Variants in HS3ST5 observed in about 807,000 individuals in gnomAD.
The protein encoded by HS3ST5 is heparan sulfate-glucosamine 3-sulfotransferase 5, also known as heparan sulfate glucosamine 3-O-sulfotransferase 5.
In HS3ST5, 10 loss-of-function variants were observed where a neutral mutation model predicts 25.4. The ratio of observed to expected loss-of-function variants is 0.39; its 90% confidence interval spans 0.24 to 0.67. HS3ST5 has a LOEUF of 0.67. Ranked by LOEUF, HS3ST5 falls within the 30% of genes least tolerant of loss-of-function variation. HS3ST5 has a pLI of 0.44. For synonymous variants in HS3ST5, 170 were observed against 162.4 expected (o/e 1.05, Z -0.36); for missense variants, 324 against 420.7 (o/e 0.77, Z 2.01).
chr6:114,123,406 A>G (rs573784693), intron 3 of HS3ST5, among the ~76,000 whole-genome samples: 3 of 152,332 alleles, frequency 2.0e-5, no homozygotes, highest in African/African-American at 7.2e-5. Flanking sequence ...GAATGTCCAA[A>G]AGCAATTAAG....
chr6:114,299,662 G>A (rs555815417), intron 1 of HS3ST5, among the ~76,000 whole-genome samples: 2 of 152,170 alleles, frequency 1.3e-5, no homozygotes, highest in Non-Finnish European at 2.9e-5. Context: ...GTGACTATTG[G>A]GGGCAGGTTC....
intron 2 of HS3ST5, among the ~76,000 whole-genome samples, chr6:114,190,458 T>C (rs1392899505): frequency 6.6e-6 from 1 of 152,174 alleles, no homozygotes; most frequent in South Asian, 2.1e-4. Flanking sequence ...GTGCATGCAT[T>C]TTGGCTTTAC....
At chr6:114,189,055 G>T (rs1780364409) in intron 2 of HS3ST5, among the ~76,000 whole-genome samples, 1 of 151,770 alleles carries the variant, frequency 6.6e-6, no homozygotes, top group Admixed American at 6.6e-5. Context: ...CTCCTGCTTG[G>T]TGAAGTACAT....
At chr6:114,230,392 CAA>C (rs1196237343) in intron 1 of HS3ST5, 2 of 152,074 alleles carry the variant, frequency 1.3e-5, no homozygotes, top group African/African-American at 4.8e-5. Flanking sequence ...TCTTATCTCA[CAA>C]AGTCTTGTGG....
chr6:114,161,519 TTTTATATATATA>T (rs1470887924), intron 3 of HS3ST5, among the ~76,000 whole-genome samples: 3 of 46,976 alleles, frequency 6.4e-5, no homozygotes, highest in African/African-American at 2.3e-4. Context: ...CTTCCTGAAG[TTTTATATATATA>T]TATATATATA....
chr6:114,164,700 T>G (rs898305819), intron 3 of HS3ST5, among the ~76,000 whole-genome samples: 11 of 152,172 alleles, frequency 7.2e-5, no homozygotes, highest in Non-Finnish European at 7.4e-5. Context: ...AATAAACGTA[T>G]ATAAGTCTAA....
In HS3ST5 at chr6:114,332,983, G is replaced by A. The variant is rs558440592; in HGVS notation, c.-339+9212C>T. ...CACTGGAATAGTAAGGGCTTTGTAG[G>A]TTGAGCTAGTTTGAACTCTACCCTG... is the stretch of plus-strand genomic sequence containing the variant. On this transcript the variant is annotated intron_variant, in intron 1 of 4. Coordinates refer to ENST00000312719, the MANE Select transcript of HS3ST5 (RefSeq NM_153612.4). Among the ~76,000 whole-genome samples the A allele has an allele frequency of 3.0e-4, 45 of 152,236 alleles. No homozygotes were observed. The South Asian group carries it at 9.1e-3, about 31-fold the overall frequency.
At chr6:114,273,742 T>C (rs1773729096) in intron 1 of HS3ST5, among the ~76,000 whole-genome samples, 1 of 151,972 alleles carries the variant, frequency 6.6e-6, no homozygotes, top group Non-Finnish European at 1.5e-5. Flanking sequence ...CTGACCTCTG[T>C]ATGTGCAAGA....
chr6:114,330,125 T>C (rs559552937), intron 1 of HS3ST5, among the ~76,000 whole-genome samples: 1 of 151,816 alleles, frequency 6.6e-6, no homozygotes, highest in East Asian at 1.9e-4. Flanking sequence ...TTATTCCAGA[T>C]TTTTTTTTAA....
intron 2 of HS3ST5, among the ~76,000 whole-genome samples, chr6:114,215,734 C>A (rs997274659): frequency 1.3e-5 from 2 of 152,206 alleles, no homozygotes; most frequent in Non-Finnish European, 2.9e-5. Context: ...TATGCCACAG[C>A]TGTGTTTAGT....
intron 2 of HS3ST5, among the ~76,000 whole-genome samples, chr6:114,185,877 T>G (rs1780195406): frequency 6.6e-6 from 1 of 152,078 alleles, no homozygotes; most frequent in South Asian, 2.1e-4. Context: ...CAGCTGGGGC[T>G]AAAGGCACAC....
chr6:114,083,404 G>C (rs1210280371), intron 3 of HS3ST5, among the ~76,000 whole-genome samples: 1 of 152,088 alleles, frequency 6.6e-6, no homozygotes, highest in East Asian at 1.9e-4. Flanking sequence ...ACAAGAGGGA[G>C]GTAAGAAGAC....
At chr6:114,295,447 T>C (rs956938835) in intron 1 of HS3ST5, among the ~76,000 whole-genome samples, 1 of 152,182 alleles carries the variant, frequency 6.6e-6, no homozygotes, top group African/African-American at 2.4e-5. Flanking sequence ...GTATTGACCA[T>C]GGTAATCTTT....
intron 3 of HS3ST5, among the ~76,000 whole-genome samples, chr6:114,063,626 A>G (rs1773270703): frequency 6.6e-6 from 1 of 152,116 alleles, no homozygotes; most frequent in Non-Finnish European, 1.5e-5. Context: ...ATAAGTTATC[A>G]TTTTGAGCAT....
chr6:114,185,214 CCCCCA>C (rs1780159343), intron 2 of HS3ST5, among the ~76,000 whole-genome samples: 1 of 152,114 alleles, frequency 6.6e-6, no homozygotes, highest in Non-Finnish European at 1.5e-5. Context: ...ATGTGCCCCT[CCCCCA>C]AACTCATATG....
At chr6:114,331,032 A>T (rs1776372428) in intron 1 of HS3ST5, among the ~76,000 whole-genome samples, 2 of 152,182 alleles carry the variant, frequency 1.3e-5, no homozygotes, top group Non-Finnish European at 2.9e-5. Context: ...TACTTATAAC[A>T]CGTGTAAGAC....
intron 1 of HS3ST5, among the ~76,000 whole-genome samples, chr6:114,258,839 A>G (rs527483796): frequency 3.7e-4 from 56 of 152,216 alleles, no homozygotes; most frequent in Admixed American, 1.2e-3. Context: ...TTTGTTTCCA[A>G]CTGAATTGCT....
intron 3 of HS3ST5, among the ~76,000 whole-genome samples, chr6:114,135,194 G>A (rs1250279231): frequency 6.6e-6 from 1 of 152,254 alleles, no homozygotes; most frequent in Admixed American, 6.5e-5. Flanking sequence ...ACTGTTGACA[G>A]TTGCTCTTCC....
At chr6:114,338,982 TA>T (rs1212432145) in intron 1 of HS3ST5, among the ~76,000 whole-genome samples, 1 of 152,140 alleles carries the variant, frequency 6.6e-6, no homozygotes, top group Non-Finnish European at 1.5e-5. Flanking sequence ...ATCTATGGCT[TA>T]AACAATTTCC....
Sources: allele counts gnomAD v4.1 joint callset (sites outside exome capture counted in the v4.1 genomes callset), GRCh38; gene constraint gnomAD v4.1.1; transcripts MANE v1.5; gene names NCBI Gene and HGNC (gene_info 2026-07-23, HGNC 2026-07-21).